Variants in CD55 observed in about 807,000 individuals in gnomAD.
CD55 encodes complement decay-accelerating factor.
CD55 carries 41 observed loss-of-function variants against 45.8 expected under a neutral mutation model. The observed-to-expected ratio is 0.90, with a 90% CI of 0.70 to 1.16. The LOEUF (loss-of-function observed/expected upper bound fraction) is 1.16. CD55 is among the 50% of genes most tolerant of loss of function. CD55 has a pLI of 0.00. For missense variants in CD55, 416 were observed against 469.8 expected (o/e 0.89, Z 1.06); for synonymous variants, 181 against 181.1 (o/e 1.00, Z 0.01).
At chr1:207,338,818 T>C (rs1377789396) in intron 8 of CD55, among the ~76,000 whole-genome samples, 4 of 152,188 alleles carry the variant, frequency 2.6e-5, no homozygotes, top group Non-Finnish European at 2.9e-5. Context: ...GCACTTTTTC[T>C]GCTGAGTAAT....
At chr1:207,349,566 T>A (rs1021646054) in intron 9 of CD55, among the ~76,000 whole-genome samples, 84 of 152,220 alleles carry the variant, frequency 5.5e-4, no homozygotes, top group Non-Finnish European at 1.1e-3. Context: ...CTGTCTTCTT[T>A]GTTTTGTATT....
intron 9 of CD55, chr1:207,347,394 G>C (rs1044231339): frequency 2.8e-6 from 1 of 354,842 alleles, no homozygotes; most frequent in African/African-American, 2.1e-5. Flanking sequence ...CAAGTAGCTG[G>C]GACTATAGGC....
intron 6 of CD55, among the ~76,000 whole-genome samples, chr1:207,331,844 C>T (rs944713557): frequency 7.2e-5 from 11 of 152,098 alleles, no homozygotes; most frequent in Admixed American, 4.6e-4. Context: ...CAGAATCCTT[C>T]GAACTGCTTT....
At chr1:207,336,841 T>G (rs1216464055) in intron 7 of CD55, 23 bp downstream of exon 7, 1 of 1,612,768 alleles carries the variant, frequency 6.2e-7, no homozygotes, top group East Asian at 2.2e-5. Flanking sequence ...CATCAGTTCT[T>G]CAAAAACACA....
chr1:207,354,307 A>C, intron 9 of CD55: 1 of 907,704 alleles, frequency 1.1e-6, no homozygotes, highest in Non-Finnish European at 1.3e-6. Flanking sequence ...TCTTGGTCTC[A>C]GTTTTCTTAT....
chr1:207,322,476 T>C lies in CD55; in HGVS notation c.195T>C (p.Cys65=), dbSNP rs754637367. The stretch of plus-strand genomic sequence containing the variant: ...AGGATACTGTAATAACGTACAAATG[T>C]GAAGAAAGCTTTGTGAAAATTCCTG... ...FPEDTVITYK[C]EESFVKIPGE... is the part of the protein sequence containing the mutation. Residue 65 remains cysteine, a synonymous_variant, in exon 2 of 10, where the codon TGT becomes TGC. Transcript: ENST00000367064. 3.7e-6 allele frequency: 6 copies of C among 1,614,220 alleles called. No individual in the cohort carries two copies. Among genetic ancestry groups the C allele is most frequent in the African/African-American group, 2.7e-5 (2 of 75,066 alleles).
chr1:207,339,802 A>G (rs1320087151), intron 9 of CD55, among the ~76,000 whole-genome samples: 1 of 152,188 alleles, frequency 6.6e-6, no homozygotes, highest in East Asian at 1.9e-4. Context: ...TATTTAGTCA[A>G]TATCCAAACT....
chr1:207,351,850 G>A (rs962368013), intron 9 of CD55, among the ~76,000 whole-genome samples: 7 of 151,820 alleles, frequency 4.6e-5, no homozygotes, highest in East Asian at 1.9e-4. Flanking sequence ...TTCCTTAGTC[G>A]GCATTCCAGC....
intron 9 of CD55, among the ~76,000 whole-genome samples, chr1:207,356,413 A>C (rs1421761505): frequency 6.6e-6 from 1 of 152,224 alleles, no homozygotes; most frequent in African/African-American, 2.4e-5. Flanking sequence ...ATTTCAAAGC[A>C]AAGTGACTTG....
rs1440824092 is a variant in CD55, at chr1:207,359,708, T to A, written c.*98T>A. On this transcript the variant is annotated 3_prime_UTR_variant, in exon 10 of 10. Coordinates refer to ENST00000367064, the MANE Select transcript of CD55 (RefSeq NM_000574.5). Reference sequence around the variant, plus strand: ...TTGGATAAAATAAATGCAATTGTGCTCTTCATTTAGGATGCTTTCATTGTC... The same window carrying A: ...TTGGATAAAATAAATGCAATTGTGCACTTCATTTAGGATGCTTTCATTGTC... The A allele has an allele frequency of 6.9e-7, 1 of 1,449,514 alleles. No homozygotes were observed. Among genetic ancestry groups the A allele is most frequent in the East Asian group, 2.6e-5 (1 of 38,240 alleles). 89.8% of individuals were successfully genotyped at this position (1,449,514 alleles called of 1,614,324 possible). A position where few individuals can be genotyped will look rare whatever the true frequency, so the allele number is the denominator to read the frequency against.
chr1:207,339,449 T>G (rs768277801), intron 9 of CD55, 32 bp downstream of exon 9: 1 of 1,561,374 alleles, frequency 6.4e-7, no homozygotes, highest in East Asian at 2.3e-5. Context: ...TTAAAAGAAA[T>G]TGTTTTCACT....
At chr1:207,343,247 A>T (rs1655505203) in intron 9 of CD55, among the ~76,000 whole-genome samples, 1 of 151,880 alleles carries the variant, frequency 6.6e-6, no homozygotes, top group South Asian at 2.1e-4. Context: ...TTCCTTCTCT[A>T]GTTCCTTAAG....
rs533034643 is a variant in CD55, at chr1:207,339,977, C to G, written c.1081+560C>G. On this transcript the variant is annotated intron_variant, in intron 9 of 9. Transcript: ENST00000367064. ...TTGTGTGTTGGAAACATTTTAGGTC[C>G]TTTCTTCTAGTGACTATGAAAAATA... Among the ~76,000 whole-genome samples, 4 of 152,222 alleles carry G rather than the reference C, an allele frequency of 2.6e-5. No homozygotes were observed. In the East Asian group the frequency reaches 7.7e-4, roughly 29 times the overall value.
intron 7 of CD55, 86 bp downstream of exon 7, chr1:207,336,904 C>A: frequency 6.8e-7 from 1 of 1,466,172 alleles, no homozygotes; most frequent in Non-Finnish European, 9.5e-7. Flanking sequence ...AGAAACCCAC[C>A]ACAGTAAATG....
rs574472030 is a variant in CD55 at position 207,343,869 on chromosome 1, T to C, written c.1081+4452T>C. On this transcript the variant is annotated intron_variant, in intron 9 of 9. Coordinates refer to ENST00000367064, the MANE Select transcript of CD55 (RefSeq NM_000574.5). ...GATTGGGTGCATACATACTTAGAAT[T>C]GTTATATCCTCTTGCTGAATTGATC... Among the ~76,000 whole-genome samples, 5 of 152,314 alleles carry C rather than the reference T, an allele frequency of 3.3e-5. 1 individual carries two copies. In the South Asian group the frequency reaches 1.0e-3, roughly 32 times the overall value.
At chr1:207,334,743 C>A (rs1655094890) in intron 6 of CD55, among the ~76,000 whole-genome samples, 1 of 76,356 alleles carries the variant, frequency 1.3e-5, no homozygotes. Context: ...ATATTTAATC[C>A]AAAAGAGAAC....
chr1:207,323,356 T>TA (rs1188241064), intron 2 of CD55, among the ~76,000 whole-genome samples: 1 of 151,726 alleles, frequency 6.6e-6, no homozygotes, highest in Non-Finnish European at 1.5e-5. Context: ...GGTTGATTGT[T>TA]AAAAATGAAT....
intron 5 of CD55, among the ~76,000 whole-genome samples, chr1:207,327,366 G>A (rs1328285330): frequency 2.0e-5 from 3 of 152,148 alleles, no homozygotes; most frequent in Admixed American, 1.3e-4. Flanking sequence ...GTTTTAAGGT[G>A]TGATATATTC....
rs756597715 is a variant in CD55, at chr1:207,336,721, A to G, written c.882A>G (p.Pro294=). The part of the protein sequence containing the change: ...RGKSLTSKVP[P]TVQKPTTVNV... ...AATCTCTAACTTCCAAGGTCCCACC[A>G]ACAGTTCAGAAACCTACCACAGTAA... The change falls in exon 7 of 10, where the codon CCA becomes CCG. Residue 294 remains proline (P), a synonymous_variant. Transcript: ENST00000367064. The G allele has an allele frequency of 1.2e-6, 2 of 1,613,822 alleles. No individual in the cohort carries two copies. The highest frequency in any genetic ancestry group is 2.7e-5 in the African/African-American group (2 of 74,908).
Sources: allele counts gnomAD v4.1 joint callset (sites outside exome capture counted in the v4.1 genomes callset), GRCh38; gene constraint gnomAD v4.1.1; transcripts MANE v1.5; gene names NCBI Gene and HGNC (gene_info 2026-07-23, HGNC 2026-07-21).